The following GNA14 variants were observed in gnomAD, a reference collection of about 807,000 sequenced individuals.
The protein encoded by GNA14 is guanine nucleotide-binding protein subunit alpha-14.
In GNA14, 50 loss-of-function variants were observed where a neutral mutation model predicts 42.0. The ratio of observed to expected loss-of-function variants is 1.19; its 90% CI spans 0.95 to 1.51. GNA14 has a LOEUF of 1.51. Ranked by LOEUF, GNA14 falls within the 40% of genes most tolerant of loss-of-function variation. GNA14 has a pLI of 0.00. For missense variants in GNA14, 473 were observed against 446.2 expected, an observed-to-expected ratio of 1.06 and a Z score of -0.54; for synonymous variants, 173 against 163.1, an observed-to-expected ratio of 1.06 and a Z score of -0.46.
chr9:77,534,007 C>T (rs1036218076), intron 1 of GNA14, among the ~76,000 whole-genome samples: 7 of 152,152 alleles, frequency 4.6e-5, no homozygotes, highest in African/African-American at 9.7e-5. Flanking sequence ...TTTTCTCATA[C>T]GCATATGTCA....
At chr9:77,502,292 G>C (rs981055428) in intron 2 of GNA14, among the ~76,000 whole-genome samples, 4 of 152,132 alleles carry the variant, frequency 2.6e-5, no homozygotes, top group African/African-American at 9.7e-5. Flanking sequence ...TATCTCGATT[G>C]TCCTTGTCAT....
At chr9:77,495,427 C>T (rs573586228) in intron 2 of GNA14, among the ~76,000 whole-genome samples, 3 of 152,156 alleles carry the variant, frequency 2.0e-5, no homozygotes, top group East Asian at 3.9e-4. Flanking sequence ...TATGGGCAGA[C>T]GCACAAAAAA....
At chr9:77,600,036 C>T (rs1046420613) in intron 1 of GNA14, among the ~76,000 whole-genome samples, 1 of 152,156 alleles carries the variant, frequency 6.6e-6, no homozygotes, top group African/African-American at 2.4e-5. Context: ...TGCATACATA[C>T]TTTAAAACAT....
intron 1 of GNA14, among the ~76,000 whole-genome samples, chr9:77,625,151 G>A (rs7466177): frequency 0.28 from 42,110 of 151,192 alleles, 6,745 homozygotes; most frequent in African/African-American, 0.44. Flanking sequence ...AGAAGAAAGG[G>A]TATCAGAGAT....
chr9:77,511,263 A>G (rs1400151596), intron 2 of GNA14, among the ~76,000 whole-genome samples: 1 of 152,136 alleles, frequency 6.6e-6, no homozygotes, highest in Non-Finnish European at 1.5e-5. Flanking sequence ...CTAATTAGCC[A>G]TAAAGGTACA....
chr9:77,534,657 T>C (rs1837572557), intron 1 of GNA14, among the ~76,000 whole-genome samples: 1 of 152,220 alleles, frequency 6.6e-6, no homozygotes, highest in African/African-American at 2.4e-5. Context: ...CACACAGTTC[T>C]GGATGTTGCT....
intron 1 of GNA14, among the ~76,000 whole-genome samples, chr9:77,558,387 A>C (rs1822824485): frequency 6.6e-6 from 1 of 152,168 alleles, no homozygotes; most frequent in Non-Finnish European, 1.5e-5. Flanking sequence ...TCATTATACT[A>C]TTGCTTCAAA....
intron 1 of GNA14, among the ~76,000 whole-genome samples, chr9:77,610,896 A>C (rs1823719626): frequency 6.6e-6 from 1 of 152,194 alleles, no homozygotes; most frequent in South Asian, 2.1e-4. Flanking sequence ...ATTTGTGTGA[A>C]AGGGGACTCT....
intron 1 of GNA14, among the ~76,000 whole-genome samples, chr9:77,542,227 GAT>G (rs565327872): frequency 6.6e-6 from 1 of 151,812 alleles, no homozygotes; most frequent in African/African-American, 2.4e-5. Flanking sequence ...TTTGTGACGA[GAT>G]ATATATATAT....
chr9:77,473,472 C>T (rs941604714), intron 2 of GNA14, among the ~76,000 whole-genome samples: 7 of 151,912 alleles, frequency 4.6e-5, no homozygotes, highest in African/African-American at 1.7e-4. Flanking sequence ...AATACAAAAA[C>T]AAAGGAAATT....
intron 2 of GNA14, among the ~76,000 whole-genome samples, chr9:77,479,111 G>C (rs1419530125): frequency 6.6e-6 from 1 of 152,178 alleles, no homozygotes; most frequent in East Asian, 1.9e-4. Context: ...CCTATGTCCT[G>C]AATGGTACTG....
At chr9:77,467,142 C>A (rs139224552) in intron 2 of GNA14, among the ~76,000 whole-genome samples, 191 of 151,900 alleles carry the variant, frequency 1.3e-3, no homozygotes, top group African/African-American at 4.3e-3. Context: ...TCTTTCTGGG[C>A]ACTCCTGAGG....
chr9:77,474,663 T>C (rs111408809), intron 2 of GNA14, among the ~76,000 whole-genome samples: 24 of 152,258 alleles, frequency 1.6e-4, no homozygotes, highest in African/African-American at 5.8e-4. Flanking sequence ...CCAAGAGAAC[T>C]GAAGACAAAT....
chr9:77,594,125 G>C (rs1823429818), intron 1 of GNA14, among the ~76,000 whole-genome samples: 1 of 152,230 alleles, frequency 6.6e-6, no homozygotes, highest in Non-Finnish European at 1.5e-5. Flanking sequence ...GTGGCACAGA[G>C]TGAATAAATT....
rs75773063 is a variant in GNA14 at position 77,449,608 on chromosome 9, C to T, written c.310-15086G>A. ...GACAGTCCCTACATTCTCCCTGGGG[C>T]GCTGCTGACTTTTAAGAGAAACCAG... On this transcript the variant is annotated intron_variant, in intron 2 of 6. Transcript: ENST00000341700. Among the ~76,000 whole-genome samples, 1,204 of 152,256 alleles carry T rather than the reference C, an allele frequency of 7.9e-3. 17 individuals are homozygous for T. The highest frequency in any genetic ancestry group is 0.027 in the African/African-American group (1,102 of 41,536).
intron 2 of GNA14, among the ~76,000 whole-genome samples, chr9:77,512,749 TA>T (rs1277009125): frequency 1.3e-5 from 2 of 152,194 alleles, no homozygotes; most frequent in African/African-American, 4.8e-5. Flanking sequence ...TCGTTCTTTT[TA>T]AAAATTTAAG....
At chr9:77,594,848 A>G (rs1823440131) in intron 1 of GNA14, among the ~76,000 whole-genome samples, 2 of 152,224 alleles carry the variant, frequency 1.3e-5, no homozygotes, top group African/African-American at 2.4e-5. Flanking sequence ...CCCACATTGA[A>G]TAAGTCCATG....
At chr9:77,581,517 TG>T in intron 1 of GNA14, among the ~76,000 whole-genome samples, 1 of 152,302 alleles carries the variant, frequency 6.6e-6, no homozygotes, top group Non-Finnish European at 1.5e-5. Context: ...CTGCCACACA[TG>T]ATTGCCCTGG....
At chr9:77,559,885 A>C (rs1202005094) in intron 1 of GNA14, among the ~76,000 whole-genome samples, 1 of 152,244 alleles carries the variant, frequency 6.6e-6, no homozygotes, top group Non-Finnish European at 1.5e-5. Context: ...CTAAACCTAC[A>C]GATAGAAAAT....
Sources: gnomAD v4.1 joint callset for allele counts (sites outside exome capture counted in the v4.1 genomes callset) on GRCh38, gnomAD v4.1.1 for gene constraint, MANE v1.5 for transcripts, NCBI Gene and HGNC (gene_info 2026-07-23, HGNC 2026-07-21) for gene names.